Variants in GRID1 observed in about 807,000 individuals in gnomAD.
The protein encoded by GRID1 is glutamate ionotropic receptor delta type subunit 1.
Under a neutral mutation model 98.0 loss-of-function variants are expected in GRID1, and 28 were observed. The observed-to-expected ratio is 0.29, with a 90% CI of 0.21 to 0.39. The LOEUF (loss-of-function observed/expected upper bound fraction) is 0.39, where lower values mean the gene tolerates loss of function less well. Ranked by LOEUF, GRID1 falls within the 10% of genes least tolerant of loss-of-function variation. The pLI is 1.00. For synonymous variants in GRID1, 553 were observed against 538.5 expected, an observed-to-expected ratio of 1.03 and a Z score of -0.37; for missense variants, 1,111 against 1,340.5, an observed-to-expected ratio of 0.83 and a Z score of 2.67.
intron 14 of GRID1, among the ~76,000 whole-genome samples, chr10:85,614,806 C>T (rs145223482): frequency 7.2e-4 from 110 of 152,304 alleles, no homozygotes; most frequent in African/African-American, 2.5e-3. Flanking sequence ...CATGCTGCTT[C>T]TATACTCCCC....
chr10:86,205,275 T>C (rs1411859683), intron 3 of GRID1, among the ~76,000 whole-genome samples: 1 of 152,204 alleles, frequency 6.6e-6, no homozygotes, highest in Non-Finnish European at 1.5e-5. Flanking sequence ...CTTTTGAAGG[T>C]CCACCCATTC....
At chr10:86,029,502 T>C (rs186240052) in intron 4 of GRID1, among the ~76,000 whole-genome samples, 93 of 152,310 alleles carry the variant, frequency 6.1e-4, no homozygotes, top group Middle Eastern at 3.4e-3. Context: ...ATGCAAATAA[T>C]CACGCCAAGT....
chr10:86,000,832 A>G (rs1289223952), intron 4 of GRID1, among the ~76,000 whole-genome samples: 2 of 152,234 alleles, frequency 1.3e-5, no homozygotes, highest in Non-Finnish European at 2.9e-5. Context: ...ATACACACTT[A>G]CCATACAACT....
chr10:85,895,495 C>G (rs906547396), intron 5 of GRID1, among the ~76,000 whole-genome samples: 6 of 152,156 alleles, frequency 3.9e-5, no homozygotes, highest in Admixed American at 3.3e-4. Flanking sequence ...ACCTTGGACT[C>G]TAAGCCACTG....
rs993282991 is a variant in GRID1 at position 85,843,511 on chromosome 10, G to A, written c.1233+10985C>T. ...GAAAAGGAAAAGCCAAATACAAATT[G>A]CAATAAAATGATTGCAAACTATATA... is the stretch of plus-strand genomic sequence containing the variant. On this transcript the variant is annotated intron_variant, in intron 8 of 15. Transcript: ENST00000327946. Among the ~76,000 whole-genome samples, 48 of 151,926 alleles carry A rather than the reference G, an allele frequency of 3.2e-4. 2 individuals carry two copies.
At chr10:85,983,855 T>C (rs1223491021) in intron 4 of GRID1, among the ~76,000 whole-genome samples, 3 of 152,118 alleles carry the variant, frequency 2.0e-5, no homozygotes, top group African/African-American at 7.2e-5. Context: ...GGTCATGAGC[T>C]TGGGGGTTGC....
chr10:85,671,480 G>A lies in GRID1; in HGVS notation c.1998-24083C>T, dbSNP rs148371007. 2.4e-3 allele frequency among the ~76,000 whole-genome samples: 370 copies of A among 152,210 alleles called. 2 individuals are homozygous for A. The highest frequency in any genetic ancestry group is 0.014 in the Middle Eastern group (4 of 294). Reference sequence around the variant, plus strand: ...TGGGGGCCACAAACTGCCCTTATAAGATGGTGAAGTTCATCAGTAAATGTT... The same window carrying A: ...TGGGGGCCACAAACTGCCCTTATAAAATGGTGAAGTTCATCAGTAAATGTT... On this transcript the variant is annotated intron_variant, in intron 12 of 15. Coordinates refer to ENST00000327946, the MANE Select transcript of GRID1 (RefSeq NM_017551.3).
intron 12 of GRID1, among the ~76,000 whole-genome samples, chr10:85,652,166 G>A (rs1312910516): frequency 6.6e-6 from 1 of 152,082 alleles, no homozygotes; most frequent in African/African-American, 2.4e-5. Flanking sequence ...CTGTGGCCGA[G>A]GATATTCTCC....
At chr10:85,846,499 G>T (rs544829552) in intron 8 of GRID1, among the ~76,000 whole-genome samples, 1 of 152,238 alleles carries the variant, frequency 6.6e-6, no homozygotes, top group African/African-American at 2.4e-5. Context: ...ACTCCAGCCT[G>T]GGCAACAGAG....
Position 85,722,991 on chromosome 10 carries a change from G to A in GRID1, c.1997+12C>T, listed in dbSNP as rs375319812. The A allele has an allele frequency of 1.2e-6, 2 of 1,603,942 alleles. No individual in the cohort carries two copies. The highest frequency in any genetic ancestry group is 2.7e-5 in the African/African-American group (2 of 74,766). ...GAGCTGCTGGCTCCAGATCAAGGAG[G>A]AATAGGCTTACCTTATGGGGTTGTC... On this transcript the variant is annotated intron_variant, in intron 12 of 15. Transcript: ENST00000327946.
At chr10:85,981,792 T>C (rs2131861646) in intron 4 of GRID1, among the ~76,000 whole-genome samples, 1 of 152,242 alleles carries the variant, frequency 6.6e-6, no homozygotes, top group Non-Finnish European at 1.5e-5. Flanking sequence ...AAAACACACA[T>C]AGCCTCTTTT....
intron 2 of GRID1, among the ~76,000 whole-genome samples, chr10:86,223,215 C>G (rs567130564): frequency 1.4e-4 from 22 of 152,272 alleles, no homozygotes; most frequent in African/African-American, 5.3e-4. Context: ...CTGGAGGGCA[C>G]AGTAGGTTGC....
intron 12 of GRID1, among the ~76,000 whole-genome samples, chr10:85,657,742 A>G (rs544280221): frequency 5.3e-5 from 8 of 152,244 alleles, no homozygotes; most frequent in African/African-American, 1.7e-4. Context: ...GGAGTCTGGG[A>G]ATCAGATCTA....
At position 85,931,067 on chromosome 10, in the gene GRID1, T is replaced by A. The variant is rs1044632672; in HGVS notation, c.727-14828A>T. Among the ~76,000 whole-genome samples the A allele has an allele frequency of 5.9e-5, 9 of 152,160 alleles. No individual in the cohort carries two copies. In the South Asian group the frequency reaches 1.9e-3, roughly 32 times the overall value. ...GTTGCCCAGGCTGGTCTCAAACTCA[T>A]GTGATCTGCAGGCCTTAGCCTCCCA... On this transcript the variant is annotated intron_variant, in intron 4 of 15. Coordinates refer to ENST00000327946, the MANE Select transcript of GRID1 (RefSeq NM_017551.3).
intron 2 of GRID1, among the ~76,000 whole-genome samples, chr10:86,244,423 A>C (rs1233120312): frequency 1.3e-5 from 2 of 152,230 alleles, no homozygotes; most frequent in Non-Finnish European, 2.9e-5. Flanking sequence ...CGTGGATCTG[A>C]TGCTCCCGCC....
intron 2 of GRID1, among the ~76,000 whole-genome samples, chr10:86,340,353 G>A (rs1848293249): frequency 6.6e-6 from 1 of 152,244 alleles, no homozygotes; most frequent in Non-Finnish European, 1.5e-5. Context: ...ACTGGGCTGT[G>A]CTGTGTGTTG....
intron 2 of GRID1, among the ~76,000 whole-genome samples, chr10:86,359,832 G>A (rs928320699): frequency 6.6e-6 from 1 of 152,154 alleles, no homozygotes; most frequent in African/African-American, 2.4e-5. Context: ...AACAAATTAG[G>A]ATCTCTTTTA....
At chr10:86,053,534 G>C (rs1047710280) in intron 4 of GRID1, among the ~76,000 whole-genome samples, 1 of 151,444 alleles carries the variant, frequency 6.6e-6, no homozygotes, top group African/African-American at 2.4e-5. Flanking sequence ...AATTTTTTTT[G>C]TATTTTTAGT....
chr10:86,342,176 A>G (rs547084397), intron 2 of GRID1, among the ~76,000 whole-genome samples: 1 of 152,272 alleles, frequency 6.6e-6, no homozygotes, highest in East Asian at 1.9e-4. Context: ...CAAGTGCCCC[A>G]TGTGTTCAGG....
Sources: allele counts gnomAD v4.1 joint callset (sites outside exome capture counted in the v4.1 genomes callset), GRCh38; gene constraint gnomAD v4.1.1; transcripts MANE v1.5; gene names NCBI Gene and HGNC (gene_info 2026-07-23, HGNC 2026-07-21).